The following INPP5D variants were observed in gnomAD, a reference collection of about 807,000 sequenced individuals.
The protein encoded by INPP5D is phosphatidylinositol 3,4,5-trisphosphate 5-phosphatase 1.
A neutral mutation model predicts 122.9 loss-of-function variants in INPP5D; 33 were observed. The observed-to-expected ratio is 0.27, with a 90% CI of 0.20 to 0.36. INPP5D has a LOEUF of 0.36. INPP5D is among the 10% of genes least tolerant of loss of function. The pLI, the probability that INPP5D is intolerant of heterozygous loss-of-function variation, is 1.00. For missense variants in INPP5D, 1,053 were observed against 1,412.7 expected, an observed-to-expected ratio of 0.75 and a Z score of 4.08; for synonymous variants, 584 against 576.2, an observed-to-expected ratio of 1.01 and a Z score of -0.19.
At chr2:233,182,281 C>T (rs893210714) in intron 18 of INPP5D, 129 bp from the exon 19 acceptor site, 30 of 1,346,496 alleles carry the variant, frequency 2.2e-5, no homozygotes, top group Admixed American at 7.4e-5. Context: ...GGAAGGACAA[C>T]AGGTGCAAAA....
intron 8 of INPP5D, 67 bp from the exon 9 acceptor site, chr2:233,147,404 G>A (rs866195903): frequency 1.9e-5 from 13 of 695,012 alleles, no homozygotes; most frequent in East Asian, 5.4e-5. Flanking sequence ...CAAGGGGTTC[G>A]GGCGGGGGAA....
intron 9 of INPP5D, 82 bp downstream of exon 9, chr2:233,147,676 C>T: frequency 1.5e-6 from 1 of 683,694 alleles, no homozygotes. Flanking sequence ...CTCAGAAGGC[C>T]TGCCCTGCAG....
At position 233,177,755 on chromosome 2, in the gene INPP5D, A is replaced by G. The variant is rs1694675914; in HGVS notation, c.2071+409A>G. Among the ~76,000 whole-genome samples, 1 of 152,074 alleles carries G rather than the reference A, an allele frequency of 6.6e-6. No individual in the cohort carries two copies. The highest frequency in any genetic ancestry group is 1.9e-4 in the East Asian group (1 of 5,188). Reference sequence around the variant, plus strand: ...ATGCCTGGCTAATTTTTGTATTTTTAGTAGAGACGGGGTTTCACCATGTTG... The same window carrying G: ...ATGCCTGGCTAATTTTTGTATTTTTGGTAGAGACGGGGTTTCACCATGTTG... On this transcript the variant is annotated intron_variant, in intron 18 of 26. Coordinates refer to ENST00000445964, the MANE Select transcript of INPP5D (RefSeq NM_001017915.3). The surrounding 1 kb of genome is among the most constrained non-coding windows in gnomAD (Gnocchi z 4.2).
intron 2 of INPP5D, among the ~76,000 whole-genome samples, chr2:233,115,077 G>A (rs1278080394): frequency 6.6e-6 from 1 of 152,132 alleles, no homozygotes; most frequent in African/African-American, 2.4e-5. Flanking sequence ...ATGTTGGCCA[G>A]GCTGGTTTCG....
At position 233,132,109 on chromosome 2, in the gene INPP5D, C is replaced by T. The variant is rs899140361; in HGVS notation, c.665+1461C>T. Among the ~76,000 whole-genome samples, 3 of 152,272 alleles carry T rather than the reference C, an allele frequency of 2.0e-5. 1 individual carries two copies. Among genetic ancestry groups the T allele is most frequent in the Middle Eastern group, 6.8e-3 (2 of 294 alleles). On this transcript the variant is annotated intron_variant, in intron 5 of 26. Transcript: ENST00000445964. ...AGATTCCCATGGAGGGATTTTGTTC[C>T]ATTTGATGCTGTTGTTATGAATCAC...
At chr2:233,153,677 C>A (rs1379074856) in intron 9 of INPP5D, among the ~76,000 whole-genome samples, 9 of 152,192 alleles carry the variant, frequency 5.9e-5, no homozygotes, top group Non-Finnish European at 8.8e-5. Context: ...AAAGACAGTT[C>A]AGCCCAACAG....
intron 22 of INPP5D, 138 bp from the exon 23 acceptor site, chr2:233,193,674 G>A: frequency 1.4e-6 from 2 of 1,393,470 alleles, no homozygotes; most frequent in Admixed American, 1.9e-5. Context: ...AAAGTACTGT[G>A]GTGTTGTTCT....
chr2:233,194,231 T>G (rs1181718551), intron 23 of INPP5D, among the ~76,000 whole-genome samples: 1 of 152,164 alleles, frequency 6.6e-6, no homozygotes, highest in Non-Finnish European at 1.5e-5. Flanking sequence ...CTTTAGGCCT[T>G]GTCATTCCCC....
In INPP5D at chr2:233,137,747, C is replaced by T. The variant is rs112919708; in HGVS notation, c.666-2095C>T. Among the ~76,000 whole-genome samples the T allele has an allele frequency of 1.2e-4, 18 of 146,232 alleles. 1 individual carries two copies. Among genetic ancestry groups the T allele is most frequent in the African/African-American group, 4.3e-4 (17 of 39,638 alleles). On this transcript the variant is annotated intron_variant, in intron 5 of 26. Coordinates refer to ENST00000445964, the MANE Select transcript of INPP5D (RefSeq NM_001017915.3). ...GAGATTACAGGTGTGAGCCACCACA[C>T]CTGGCCCCATTAAACATTTTAACAA...
intron 1 of INPP5D, among the ~76,000 whole-genome samples, chr2:233,073,640 CAAA>C (rs752382722): frequency 1.1e-4 from 5 of 44,198 alleles, no homozygotes; most frequent in Non-Finnish European, 1.0e-4. Context: ...AACTCAATCT[CAAA>C]AAAAAAAAAA....
intron 2 of INPP5D, among the ~76,000 whole-genome samples, chr2:233,096,638 C>T (rs6723093): frequency 0.68 from 103,794 of 152,032 alleles, 35,709 homozygotes; most frequent in Middle Eastern, 0.79. Flanking sequence ...GGTGACAGAG[C>T]GAGATCCCAT....
At chr2:233,147,262 C>T (rs997750576) in intron 8 of INPP5D, among the ~76,000 whole-genome samples, 8 of 152,194 alleles carry the variant, frequency 5.3e-5, no homozygotes, top group African/African-American at 7.2e-5. Context: ...ACACAGTGGA[C>T]GAGGGGGATG....
chr2:233,167,727 G>A (rs540641416), intron 13 of INPP5D, among the ~76,000 whole-genome samples: 7 of 152,200 alleles, frequency 4.6e-5, no homozygotes, highest in East Asian at 1.9e-4. Context: ...AAATGGGGCC[G>A]GGTGCCGTGG....
Position 233,060,540 on chromosome 2 carries a change from G to T in INPP5D, c.62G>T (p.Arg21Met). ...TCCAAGGCGGAGGAGCTGCTTTCCA[G>T]GACAGGCAAGGACGGGAGCTTCCTC... ...TRSKAEELLS[R>M]TGKDGSFLVR... Residue 21 changes from arginine to methionine, a missense_variant, in exon 1 of 27, where the codon AGG becomes ATG. Physicochemically the swap from Arg to Met is moderately conservative, Grantham distance 91 (BLOSUM62 -1). Coordinates refer to ENST00000445964, the MANE Select transcript of INPP5D (RefSeq NM_001017915.3). The T allele has an allele frequency of 6.2e-7, 1 of 1,613,930 alleles. No individual in the cohort carries two copies. The highest frequency in any genetic ancestry group is 8.5e-7 in the Non-Finnish European group (1 of 1,179,850).
rs1694477378 is a variant in INPP5D, at chr2:233,170,878, C to T, written c.1901-186C>T. Among the ~76,000 whole-genome samples, 1 of 145,548 alleles carries T rather than the reference C, an allele frequency of 6.9e-6. No homozygotes were observed. The highest frequency in any genetic ancestry group is 7.1e-5 in the Admixed American group (1 of 14,084). On this transcript the variant is annotated intron_variant, in intron 16 of 26. Transcript: ENST00000445964. This position sits in a 1 kb window ranked among gnomAD's most constrained non-coding sequence, Gnocchi z 4.5. Reference sequence around the variant, plus strand: ...CCAAGATCGCGCCACTGCACTCCAGCCTGGCCAACAAAGACAGACTCCGTC... The same window carrying T: ...CCAAGATCGCGCCACTGCACTCCAGTCTGGCCAACAAAGACAGACTCCGTC...
chr2:233,170,663 G>C lies in INPP5D; in HGVS notation c.1900+59G>C, dbSNP rs1412678384. ...TCACACCTGTAATCCCAGCACTTTAGGAGGCCGAGGCGGGCGGATCACGAG... is the reference window on the plus strand; with the variant it reads ...TCACACCTGTAATCCCAGCACTTTACGAGGCCGAGGCGGGCGGATCACGAG... On this transcript the variant is annotated intron_variant, in intron 16 of 26. Coordinates refer to ENST00000445964, the MANE Select transcript of INPP5D (RefSeq NM_001017915.3). The surrounding 1 kb of genome is among the most constrained non-coding windows in gnomAD (Gnocchi z 4.5). The C allele has an allele frequency of 2.5e-6, 4 of 1,591,128 alleles. No homozygotes were observed. Among genetic ancestry groups the C allele is most frequent in the Non-Finnish European group, 3.4e-6 (4 of 1,165,838 alleles).
intron 25 of INPP5D, among the ~76,000 whole-genome samples, chr2:233,200,051 G>A (rs1172574927): frequency 6.6e-6 from 1 of 152,206 alleles, no homozygotes; most frequent in Non-Finnish European, 1.5e-5. Flanking sequence ...GGATGTAAAA[G>A]GCAGGGCAGC....
intron 5 of INPP5D, chr2:233,130,969 C>A (rs539481118): frequency 3.9e-5 from 19 of 491,166 alleles, no homozygotes; most frequent in Non-Finnish European, 6.9e-5. Context: ...AAGATTTTTG[C>A]TGCTGCTCTT....
At chr2:233,172,101 C>T (rs6741388) in intron 17 of INPP5D, among the ~76,000 whole-genome samples, 62,289 of 152,112 alleles carry the variant, frequency 0.41, 13,356 homozygotes, top group East Asian at 0.68. Flanking sequence ...CTGTCACCCA[C>T]GAGGCTGGGA....
Sources: allele counts gnomAD v4.1 joint callset (sites outside exome capture counted in the v4.1 genomes callset), GRCh38; gene constraint gnomAD v4.1.1; non-coding constraint Gnocchi (gnomAD v3.1); transcripts MANE v1.5; gene names NCBI Gene and HGNC (gene_info 2026-07-23, HGNC 2026-07-21).